AMPD1: variants seen among roughly 807,000 people sequenced by gnomAD.
AMPD1 encodes adenosine monophosphate deaminase 1.
Under a neutral mutation model 82.9 loss-of-function variants are expected in AMPD1, and 74 were observed. The observed-to-expected ratio is 0.89, with a 90% CI of 0.74 to 1.08. AMPD1 has a LOEUF of 1.08. Among genes scored for constraint, AMPD1 ranks in the 50% least tolerant of loss-of-function variants. The pLI, the probability that AMPD1 is intolerant of heterozygous loss-of-function variation, is 0.00. For synonymous variants in AMPD1, 333 were observed against 320.5 expected (o/e 1.04, Z -0.42); for missense variants, 881 against 924.5 (o/e 0.95, Z 0.61).
intron 2 of AMPD1, among the ~76,000 whole-genome samples, chr1:114,689,424 A>G (rs1018393235): frequency 8.5e-5 from 13 of 152,174 alleles, no homozygotes; most frequent in African/African-American, 2.9e-4. Context: ...TGGAAGGCCA[A>G]TTTTACTTGT....
At chr1:114,693,023 G>A (rs1658559873) in intron 2 of AMPD1, among the ~76,000 whole-genome samples, 1 of 151,594 alleles carries the variant, frequency 6.6e-6, no homozygotes, top group Non-Finnish European at 1.5e-5. Flanking sequence ...TACTCGGGAG[G>A]CTGAGGCAAG....
intron 12 of AMPD1, 183 bp from the exon 13 acceptor site, chr1:114,675,055 G>T (rs1178273067): frequency 1.3e-5 from 10 of 743,690 alleles, no homozygotes; most frequent in Non-Finnish European, 4.4e-6. Context: ...GGCAGCAGAG[G>T]ATATGGGGGT....
At position 114,677,961 on chromosome 1, in the gene AMPD1, G is replaced by A. The variant is rs1219507997; in HGVS notation, c.1173C>T (p.Tyr391=). The A allele has an allele frequency of 1.7e-5, 27 of 1,613,804 alleles. No homozygotes were observed. Among genetic ancestry groups the A allele is most frequent in the African/African-American group, 2.7e-5 (2 of 74,840 alleles). The stretch of plus-strand genomic sequence containing the variant: ...CATTAATGTAATTGTCTGTCTTCAA[G>A]TAGAGGTCCCGTAGCTCACTTGCTC... ...PVGASELRDL[Y]LKTDNYINGE... The change falls in exon 9 of 16, where the codon TAC becomes TAT. Residue 391 remains tyrosine, a synonymous_variant. Transcript: ENST00000520113.
In AMPD1 at chr1:114,693,465, A is replaced by G. The variant is rs111523102; in HGVS notation, c.23-18T>C. The stretch of plus-strand genomic sequence containing the variant: ...CTCTTCAGCTGTATGAAGTAAAATA[A>G]AACAAGATAAAATATGTGAACAACT... On this transcript the variant is annotated intron_variant, in intron 1 of 15. Transcript: ENST00000520113. 10 of 1,604,862 alleles carry G rather than the reference A, an allele frequency of 6.2e-6. No individual in the cohort carries two copies. Among genetic ancestry groups the G allele is most frequent in the African/African-American group, 4.0e-5 (3 of 74,800 alleles).
intron 4 of AMPD1, among the ~76,000 whole-genome samples, chr1:114,685,518 GC>G (rs767703196): frequency 9.2e-5 from 14 of 152,150 alleles, no homozygotes; most frequent in Admixed American, 3.3e-4. Flanking sequence ...TTGCTCAGCA[GC>G]CCAGCCACAT....
At position 114,673,162 on chromosome 1, in the gene AMPD1, C is replaced by T. The variant is rs1467664203; in HGVS notation, c.2196G>A (p.Trp732Ter). 1 of 1,613,876 alleles carries T rather than the reference C, an allele frequency of 6.2e-7. No homozygotes were observed. Among genetic ancestry groups the T allele is most frequent in the African/African-American group, 1.3e-5 (1 of 74,880 alleles). Residue 732 changes from tryptophan to a stop codon, truncating the protein, a stop_gained, in exon 16 of 16, where the codon TGG becomes TGA. Coordinates refer to ENST00000520113, the MANE Select transcript of AMPD1 (RefSeq NM_000036.3). LOFTEE classifies it high-confidence loss of function. ...CAGCAATTAAATTGAGTTCATAACACCAGGTTTCATAGCGATAGGCCATGC... is the reference window on the plus strand; with the variant it reads ...CAGCAATTAAATTGAGTTCATAACATCAGGTTTCATAGCGATAGGCCATGC... ...QIRMAYRYET[W>*]CYELNLIAEG... is the part of the protein sequence containing the mutation.
chr1:114,693,341 T>C, intron 2 of AMPD1, 95 bp downstream of exon 2: 1 of 1,237,730 alleles, frequency 8.1e-7, no homozygotes, highest in Non-Finnish European at 1.2e-6. Context: ...TAATAAACAC[T>C]GCTGAAAAAT....
rs1354176888 is a variant in AMPD1, at chr1:114,674,070, G to T, written c.1813C>A (p.Gln605Lys). 1 of 1,613,738 alleles carries T rather than the reference G, an allele frequency of 6.2e-7. No homozygotes were observed. The highest frequency in any genetic ancestry group is 1.7e-5 in the Admixed American group (1 of 60,014). The part of the protein sequence containing the change: ...GLNLKKSPVL[Q>K]YLFFLAQIPI... ...ATTTGGGCTAAGAAAAACAAGTACT[G>T]TAGCACGGGACTCTGAAAAAGAAAA... is the stretch of plus-strand genomic sequence containing the variant. Residue 605 changes from glutamine to lysine, a missense_variant, in exon 14 of 16, where the codon CAG (glutamine) becomes AAG (lysine). Coordinates refer to ENST00000520113, the MANE Select transcript of AMPD1 (RefSeq NM_000036.3).
At position 114,695,444 on chromosome 1, in the gene AMPD1, A is replaced by C. The variant is rs1170103614; in HGVS notation, c.22+6T>G. The C allele has an allele frequency of 1.9e-6, 3 of 1,613,696 alleles. No homozygotes were observed. The highest frequency in any genetic ancestry group is 1.7e-6 in the Non-Finnish European group (2 of 1,179,964). Reference sequence around the variant, plus strand: ...ACTGAGCTCTCCAAACACTTTGTACACCTACCTGGGAGTTTGAACAGAGGC... The same window carrying C: ...ACTGAGCTCTCCAAACACTTTGTACCCCTACCTGGGAGTTTGAACAGAGGC... On this transcript the variant is annotated splice_donor_region_variant and intron_variant, in intron 1 of 15. Coordinates refer to ENST00000520113, the MANE Select transcript of AMPD1 (RefSeq NM_000036.3).
intron 2 of AMPD1, among the ~76,000 whole-genome samples, chr1:114,692,272 C>T (rs990911587): frequency 2.6e-5 from 4 of 152,128 alleles, no homozygotes; most frequent in East Asian, 1.9e-4. Context: ...TGTAGGCCTT[C>T]GTCTGCCACA....
In AMPD1 at chr1:114,679,594, A is replaced by C; in HGVS notation, c.882T>G (p.Phe294Leu). The C allele has an allele frequency of 6.2e-7, 1 of 1,614,106 alleles. No individual in the cohort carries two copies. Among genetic ancestry groups the C allele is most frequent in the Non-Finnish European group, 8.5e-7 (1 of 1,179,984 alleles). Residue 294 changes from phenylalanine to leucine, a missense_variant, in exon 7 of 16, where the codon TTT becomes TTG. Coordinates refer to ENST00000520113, the MANE Select transcript of AMPD1 (RefSeq NM_000036.3). ...KELKNNPHRD[F>L]YNCRKVDTHI... ...AAATGTTTACCTTCCTGCAGTTATA[A>C]AAATCTCGGTGGGGGTTGTTTTTCA...
Position 114,675,924 on chromosome 1 carries a change from T to C in AMPD1, c.1468A>G (p.Thr490Ala). The C allele has an allele frequency of 6.2e-7, 1 of 1,614,186 alleles. No individual in the cohort carries two copies. Among genetic ancestry groups the C allele is most frequent in the Non-Finnish European group, 8.5e-7 (1 of 1,180,032 alleles). ...ENIFMPVFEA[T>A]INPQADPELS... ...TCTGGGTCAGCCTGGGGGTTGATGG[T>C]GGCCTCAAACACTGGCATGAAAATA... Residue 490 changes from threonine to alanine, a missense_variant, in exon 11 of 16, where the codon ACC (threonine) becomes GCC (alanine). By Grantham distance (58) the Thr-to-Ala change is moderately conservative (BLOSUM62 0). Coordinates refer to ENST00000520113, the MANE Select transcript of AMPD1 (RefSeq NM_000036.3).
chr1:114,682,452 G>T (rs1413395631), intron 5 of AMPD1, among the ~76,000 whole-genome samples: 1 of 152,064 alleles, frequency 6.6e-6, no homozygotes, highest in Non-Finnish European at 1.5e-5. Context: ...TAGAGGATGG[G>T]AAAACCACTG....
Position 114,675,606 on chromosome 1 carries a change from A to G in AMPD1, c.1603T>C (p.Leu535=). ...SKSPKPQEWT[L]EKNPSYTYYA... ...TAAGTGTAAGATGGATTCTTTTCCAATGTCCACTCCTGGGGCTTGGGACTC... is the reference window on the plus strand; with the variant it reads ...TAAGTGTAAGATGGATTCTTTTCCAGTGTCCACTCCTGGGGCTTGGGACTC... The change falls in exon 12 of 16, where the codon TTG becomes CTG. Residue 535 remains leucine (L), a synonymous_variant. Transcript: ENST00000520113. The G allele has an allele frequency of 6.2e-7, 1 of 1,614,180 alleles. No individual in the cohort carries two copies. Among genetic ancestry groups the G allele is most frequent in the Non-Finnish European group, 8.5e-7 (1 of 1,180,014 alleles).
At chr1:114,686,624 G>T in intron 4 of AMPD1, 121 bp downstream of exon 4, 1 of 1,020,954 alleles carries the variant, frequency 9.8e-7, no homozygotes. Flanking sequence ...ATAATGAAGT[G>T]TAACAAAGGA....
intron 4 of AMPD1, among the ~76,000 whole-genome samples, chr1:114,684,698 A>G (rs1658260741): frequency 6.6e-6 from 1 of 152,214 alleles, no homozygotes; most frequent in Admixed American, 6.5e-5. Flanking sequence ...CATGGTATAT[A>G]CTTTCTTCCT....
At chr1:114,675,428 C>T (rs977896269) in intron 12 of AMPD1, 102 bp downstream of exon 12, 4 of 1,279,970 alleles carry the variant, frequency 3.1e-6, no homozygotes, top group Non-Finnish European at 3.4e-6. Context: ...CAATTGGAAC[C>T]ATCACAGTAA....
Position 114,677,439 on chromosome 1 carries a change from C to T in AMPD1, c.1300G>A (p.Asp434Asn), listed in dbSNP as rs752111432. 2 of 1,612,576 alleles carry T rather than the reference C, an allele frequency of 1.2e-6. No homozygotes were observed. The highest frequency in any genetic ancestry group is 2.7e-5 in the African/African-American group (2 of 74,306). The change falls in exon 10 of 16, where the codon GAT (aspartate) becomes AAT (asparagine). Residue 434 changes from aspartate to asparagine, a missense_variant. Physicochemically the swap from Asp to Asn is conservative, Grantham distance 23. This residue lies in a region of AMPD1 where 783 missense variants were observed against 786.4 expected (regional missense o/e 1.00). Coordinates refer to ENST00000520113, the MANE Select transcript of AMPD1 (RefSeq NM_000036.3). ...PRLSIYGRSP[D>N]EWSKLSSWFV... ...CAGGAGGAGAGTTTGCTCCACTCAT[C>T]AGGACTGCGGCCATAGATGGACAGG...
intron 2 of AMPD1, among the ~76,000 whole-genome samples, chr1:114,690,494 G>T (rs188630841): frequency 3.3e-5 from 5 of 152,290 alleles, no homozygotes; most frequent in Admixed American, 1.3e-4. Flanking sequence ...AGTCAGGTCA[G>T]CCAGTTTTTA....
Sources: gnomAD v4.1 joint callset for allele counts (sites outside exome capture counted in the v4.1 genomes callset) on GRCh38, gnomAD v4.1.1 for gene constraint, gnomAD v4.1.1 regional missense constraint, MANE v1.5 for transcripts, NCBI Gene and HGNC (gene_info 2026-07-23, HGNC 2026-07-21) for gene names.